The following ZFYVE9 variants were observed in gnomAD, a reference collection of about 807,000 sequenced individuals.
ZFYVE9 encodes the protein zinc finger FYVE domain-containing protein 9.
In ZFYVE9, 43 loss-of-function variants were observed where a neutral mutation model predicts 126.7. The ratio of observed to expected loss-of-function variants is 0.34; its 90% confidence interval spans 0.27 to 0.44. The LOEUF is 0.44. Ranked by LOEUF, ZFYVE9 falls within the 20% of genes least tolerant of loss-of-function variation. The pLI, the probability that ZFYVE9 is intolerant of heterozygous loss-of-function variation, is 1.00. For missense variants in ZFYVE9, 1,476 were observed against 1,697.0 expected (o/e 0.87, Z 2.29); for synonymous variants, 521 against 597.4 (o/e 0.87, Z 1.87).
intron 7 of ZFYVE9, among the ~76,000 whole-genome samples, chr1:52,270,127 A>C (rs1645674976): frequency 6.6e-6 from 1 of 152,194 alleles, no homozygotes; most frequent in Non-Finnish European, 1.5e-5. Flanking sequence ...TTCACCACTT[A>C]ATAGTTCAGC....
chr1:52,304,208 A>G (rs1646060698), intron 13 of ZFYVE9, among the ~76,000 whole-genome samples: 1 of 152,090 alleles, frequency 6.6e-6, no homozygotes, highest in Non-Finnish European at 1.5e-5. Flanking sequence ...TGTATCTGTA[A>G]TATTAGTGGT....
intron 8 of ZFYVE9, among the ~76,000 whole-genome samples, chr1:52,275,638 T>A (rs533529532): frequency 3.3e-5 from 5 of 152,268 alleles, no homozygotes; most frequent in Admixed American, 2.0e-4. Context: ...CTCTGATGAT[T>A]AGTGTGAAAT....
intron 10 of ZFYVE9, among the ~76,000 whole-genome samples, chr1:52,290,973 A>G (rs1441969113): frequency 2.0e-5 from 3 of 152,210 alleles, no homozygotes; most frequent in Non-Finnish European, 4.4e-5. Flanking sequence ...ACAACAGTGA[A>G]TGATCAAACT....
chr1:52,175,164 AG>A (rs1644612935), intron 1 of ZFYVE9, among the ~76,000 whole-genome samples: 1 of 151,766 alleles, frequency 6.6e-6, no homozygotes, highest in East Asian at 1.9e-4. Flanking sequence ...TTCCATGTTT[AG>A]TGCTTCCTTC....
At chr1:52,267,953 A>G (rs1424015202) in intron 6 of ZFYVE9, among the ~76,000 whole-genome samples, 4 of 152,180 alleles carry the variant, frequency 2.6e-5, no homozygotes, top group South Asian at 2.1e-4. Context: ...CAATTCTTAC[A>G]TATCTGTGCC....
At chr1:52,331,860 G>A (rs866312236) in intron 13 of ZFYVE9, among the ~76,000 whole-genome samples, 3 of 145,102 alleles carry the variant, frequency 2.1e-5, no homozygotes, top group African/African-American at 7.5e-5. Context: ...CTCACTGCAA[G>A]CTCCGCCTCC....
At chr1:52,276,043 G>A (rs1048937078) in intron 8 of ZFYVE9, among the ~76,000 whole-genome samples, 2 of 151,818 alleles carry the variant, frequency 1.3e-5, no homozygotes, top group Non-Finnish European at 2.9e-5. Context: ...GAGTAGCTGG[G>A]ACTACAGGTG....
At chr1:52,322,214 A>AT (rs1304651081) in intron 13 of ZFYVE9, among the ~76,000 whole-genome samples, 1 of 152,136 alleles carries the variant, frequency 6.6e-6, no homozygotes, top group African/African-American at 2.4e-5. Flanking sequence ...CTATCAGGAA[A>AT]TTCTGCTGCC....
chr1:52,312,522 G>A (rs1646147990), intron 13 of ZFYVE9, among the ~76,000 whole-genome samples: 1 of 152,192 alleles, frequency 6.6e-6, no homozygotes, highest in African/African-American at 2.4e-5. Flanking sequence ...CTAATTGGGA[G>A]CATCTTTTTG....
intron 4 of ZFYVE9, among the ~76,000 whole-genome samples, chr1:52,259,387 A>G (rs577980528): frequency 6.6e-6 from 1 of 152,298 alleles, no homozygotes; most frequent in Non-Finnish European, 1.5e-5. Flanking sequence ...CATAAAAGCA[A>G]CTAATTTTTT....
chr1:52,274,653 G>A, intron 8 of ZFYVE9, 69 bp downstream of exon 8: 1 of 1,444,968 alleles, frequency 6.9e-7, no homozygotes, highest in South Asian at 1.6e-5. Context: ...TTAAGGTAGA[G>A]AGACAGAATT....
rs371448546 is a variant in ZFYVE9 at position 52,340,075 on chromosome 1, G to C, written c.3834-51G>C. 12 of 1,486,932 alleles carry C rather than the reference G, an allele frequency of 8.1e-6. No homozygotes were observed. The East Asian group carries it at 1.8e-4, about 22-fold the overall frequency. 92.1% of individuals were successfully genotyped at this position (1,486,932 alleles called of 1,614,324 possible). On this transcript the variant is annotated intron_variant, in intron 16 of 18. Coordinates refer to ENST00000287727, the MANE Select transcript of ZFYVE9 (RefSeq NM_004799.4). ...GCAGCAAAACGTGATAGGAAAAATG[G>C]CTTTTCTAACTTCAAGAGCTGCTTC...
At chr1:52,264,458 G>A (rs535654670) in intron 5 of ZFYVE9, among the ~76,000 whole-genome samples, 15 of 152,114 alleles carry the variant, frequency 9.9e-5, no homozygotes, top group African/African-American at 3.4e-4. Flanking sequence ...GAATATGGCC[G>A]GGGAAAGTAA....
At chr1:52,147,882 GT>G (rs1157280994) in intron 1 of ZFYVE9, among the ~76,000 whole-genome samples, 1 of 151,584 alleles carries the variant, frequency 6.6e-6, no homozygotes, top group Non-Finnish European at 1.5e-5. Context: ...CTTGTTATCT[GT>G]TTTTTTGATT....
chr1:52,301,495 G>A (rs1321146644), intron 12 of ZFYVE9, among the ~76,000 whole-genome samples: 1 of 151,660 alleles, frequency 6.6e-6, no homozygotes, highest in Admixed American at 6.6e-5. Flanking sequence ...ATACAGACAA[G>A]GCCTCGCAGT....
Position 52,238,183 on chromosome 1 carries a change from C to G in ZFYVE9, c.766C>G (p.Pro256Ala). The G allele has an allele frequency of 1.2e-6, 2 of 1,613,990 alleles. No individual in the cohort carries two copies. The highest frequency in any genetic ancestry group is 1.7e-6 in the Non-Finnish European group (2 of 1,179,934). ...GGATGACGGAAGTATAGGTAGAGAC[C>G]CCTCCATGTCTGCGATTACAAGTTT... ...LKDDGSIGRD[P>A]SMSAITSLTV... Residue 256 changes from proline (P) to alanine (A), a missense_variant, in exon 4 of 19, where the codon CCC becomes GCC. Around this residue, in one of 2 missense-constraint regions of ZFYVE9, gnomAD observed 807 missense variants for 794.6 expected, o/e 1.02. Transcript: ENST00000287727.
At chr1:52,339,679 A>G (rs748464848) in intron 16 of ZFYVE9, among the ~76,000 whole-genome samples, 2 of 152,182 alleles carry the variant, frequency 1.3e-5, no homozygotes, top group Admixed American at 6.5e-5. Context: ...GGAATATATC[A>G]TATTCCCTCC....
Position 52,344,843 on chromosome 1 carries a change from G to A in ZFYVE9, c.4015G>A (p.Val1339Ile). Residue 1339 changes from valine (V) to isoleucine (I), a missense_variant, in exon 18 of 19, where the codon GTT becomes ATT. Val to Ile is a conservative substitution (Grantham distance 29). Coordinates refer to ENST00000287727, the MANE Select transcript of ZFYVE9 (RefSeq NM_004799.4). ...AGATCACAGTAGATTGACTGAGCAT[G>A]TTGCCAAAGCTTTTTGCCTTGCTCT... ...PADHSRLTEH[V>I]AKAFCLALCP... is the part of the protein sequence containing the mutation. The A allele has an allele frequency of 6.2e-7, 1 of 1,614,202 alleles. No individual in the cohort carries two copies. Among genetic ancestry groups the A allele is most frequent in the Non-Finnish European group, 8.5e-7 (1 of 1,180,044 alleles).
rs1292742348 is a variant in ZFYVE9 at position 52,237,968 on chromosome 1, C to T, written c.551C>T (p.Ser184Leu). ...SQSLMDAFSC[S>L]LDNENRQTDQ... is the part of the protein sequence containing the mutation. ...TCCCTTATGGATGCTTTTAGCTGTTCACTGGATAATGAAAACAGACAAACT... is the reference window on the plus strand; with the variant it reads ...TCCCTTATGGATGCTTTTAGCTGTTTACTGGATAATGAAAACAGACAAACT... The change falls in exon 4 of 19, where the codon TCA becomes TTA. Residue 184 changes from serine to leucine, a missense_variant. Coordinates refer to ENST00000287727, the MANE Select transcript of ZFYVE9 (RefSeq NM_004799.4). 4 of 1,613,852 alleles carry T rather than the reference C, an allele frequency of 2.5e-6. No individual in the cohort carries two copies. The highest frequency in any genetic ancestry group is 2.2e-5 in the East Asian group (1 of 44,890).
Sources: gnomAD v4.1 joint callset for allele counts (sites outside exome capture counted in the v4.1 genomes callset) on GRCh38, gnomAD v4.1.1 for gene constraint, gnomAD v4.1.1 regional missense constraint, MANE v1.5 for transcripts, NCBI Gene and HGNC (gene_info 2026-07-23, HGNC 2026-07-21) for gene names.